Variants in COL23A1 observed in about 807,000 individuals in gnomAD.
The protein encoded by COL23A1 is collagen type XXIII alpha 1 chain, also known as collagen alpha-1(XXIII) chain.
COL23A1 carries 97 observed loss-of-function variants against 99.3 expected under a neutral mutation model. That is an observed-to-expected ratio of 0.98 (90% CI 0.83 to 1.16). The LOEUF (loss-of-function observed/expected upper bound fraction) is 1.16, where lower values mean the gene tolerates loss of function less well. Among genes scored for constraint, COL23A1 ranks in the 50% most tolerant of loss-of-function variants. The pLI is 0.00. For synonymous variants in COL23A1, 320 were observed against 308.2 expected (o/e 1.04, Z -0.40); for missense variants, 762 against 757.4 (o/e 1.01, Z -0.07).
At chr5:178,515,740 G>C (rs1028731971) in intron 2 of COL23A1, among the ~76,000 whole-genome samples, 9 of 152,054 alleles carry the variant, frequency 5.9e-5, no homozygotes, top group African/African-American at 9.7e-5. Flanking sequence ...GCACACTCAG[G>C]GCTTCTCCCT....
intron 2 of COL23A1, among the ~76,000 whole-genome samples, chr5:178,495,588 C>G (rs568749580): frequency 6.6e-6 from 1 of 151,998 alleles, no homozygotes; most frequent in Non-Finnish European, 1.5e-5. Context: ...GGAAAACAGA[C>G]TGGGAAGGAA....
chr5:178,586,687 T>G (rs554166031), intron 1 of COL23A1, among the ~76,000 whole-genome samples: 1 of 152,180 alleles, frequency 6.6e-6, no homozygotes, highest in Non-Finnish European at 1.5e-5. Context: ...AAACTTTTTT[T>G]TGTTGTTTTG....
chr5:178,498,255 T>TATATATGTATAA (rs1340447435), intron 2 of COL23A1, among the ~76,000 whole-genome samples: 1 of 70,936 alleles, frequency 1.4e-5, no homozygotes, highest in African/African-American at 5.9e-5. Flanking sequence ...TATATATATA[T>TATATATGTATAA]ATAAAAGAAC....
At chr5:178,353,256 G>C (rs1419162673) in intron 2 of COL23A1, among the ~76,000 whole-genome samples, 1 of 111,078 alleles carries the variant, frequency 9.0e-6, no homozygotes, top group Non-Finnish European at 2.0e-5. Flanking sequence ...TATAACAGTA[G>C]TAAAAAAAAA....
At chr5:178,464,624 C>T (rs974518047) in intron 2 of COL23A1, among the ~76,000 whole-genome samples, 4 of 152,192 alleles carry the variant, frequency 2.6e-5, no homozygotes, top group African/African-American at 9.6e-5. Context: ...CGTGGAAGTG[C>T]AGGAAAGCCG....
Position 178,547,478 on chromosome 5 carries a change from CA to C in COL23A1, c.361+13203del, listed in dbSNP as rs1339349774. The stretch of plus-strand genomic sequence containing the variant: ...GTGTGGGCACACACACCCACACACC[CA>C]CACACACACCCACACATCCCCATAC... On this transcript the variant is annotated intron_variant, in intron 2 of 28. Coordinates refer to ENST00000390654, the MANE Select transcript of COL23A1 (RefSeq NM_173465.4). Among the ~76,000 whole-genome samples the C allele has an allele frequency of 3.7e-3, 526 of 140,500 alleles. 6 individuals are homozygous for C. Among genetic ancestry groups the C allele is most frequent in the South Asian group, 0.024 (105 of 4,316 alleles). The allele number at this position is 140,500 out of a possible 152,430, so 92.2% of individuals were successfully genotyped here. A position where few individuals can be genotyped will look rare whatever the true frequency, so the allele number is the denominator to read the frequency against.
chr5:178,528,715 C>T (rs1443920875), intron 2 of COL23A1, among the ~76,000 whole-genome samples: 1 of 152,202 alleles, frequency 6.6e-6, no homozygotes, highest in African/African-American at 2.4e-5. Flanking sequence ...GAGGTTGAGG[C>T]AGGAGAATTG....
At chr5:178,357,440 G>T (rs1216851278) in intron 2 of COL23A1, among the ~76,000 whole-genome samples, 2 of 152,236 alleles carry the variant, frequency 1.3e-5, no homozygotes, top group African/African-American at 4.8e-5. Context: ...GGGCATGCAG[G>T]CTCTTGCTGG....
chr5:178,445,817 A>C (rs2127849295), intron 2 of COL23A1, among the ~76,000 whole-genome samples: 1 of 152,258 alleles, frequency 6.6e-6, no homozygotes, highest in African/African-American at 2.4e-5. Flanking sequence ...GAATCAAAAA[A>C]TAAAAAAAAA....
chr5:178,584,010 G>A (rs1048642747), intron 1 of COL23A1, among the ~76,000 whole-genome samples: 1 of 152,060 alleles, frequency 6.6e-6, no homozygotes, highest in Non-Finnish European at 1.5e-5. Context: ...CTACAGGCTT[G>A]CGCCACCATG....
chr5:178,263,339 G>A lies in COL23A1; in HGVS notation c.523-15C>T. 3.3e-6 allele frequency: 5 copies of A among 1,516,406 alleles called. No homozygotes were observed. The highest frequency in any genetic ancestry group is 3.6e-6 in the Non-Finnish European group (4 of 1,112,908). The allele number at this position is 1,516,406 out of a possible 1,614,324, so 93.9% of individuals were successfully genotyped here. A position where few individuals can be genotyped will look rare whatever the true frequency, so the allele number is the denominator to read the frequency against. On this transcript the variant is annotated splice_polypyrimidine_tract_variant and intron_variant, in intron 8 of 28. Transcript: ENST00000390654. Reference sequence around the variant, plus strand: ...CCTTGGTCTCCCTGAAAGAGATGGGGCTTGGCATGACTCTGAGGGGGAGGG... The same window carrying A: ...CCTTGGTCTCCCTGAAAGAGATGGGACTTGGCATGACTCTGAGGGGGAGGG...
chr5:178,247,781 G>A lies in COL23A1; in HGVS notation c.1263C>T (p.Gly421=). Residue 421 remains glycine (G), a synonymous_variant, in exon 21 of 29, where the codon GGC becomes GGT. Coordinates refer to ENST00000390654, the MANE Select transcript of COL23A1 (RefSeq NM_173465.4). ...PGPPGPPGPP[G]PMGLQGIQGP... ...CAAAGCAAACCGTCCTTACCATCGG[G>A]CCTGGGGGGCCAGGGGGGCCAGGGG... is the stretch of plus-strand genomic sequence containing the variant. 6.2e-7 allele frequency: 1 copy of A among 1,613,446 alleles called. No individual in the cohort carries two copies. The highest frequency in any genetic ancestry group is 1.7e-5 in the Admixed American group (1 of 60,012).
At chr5:178,332,984 G>A (rs184732189) in intron 2 of COL23A1, among the ~76,000 whole-genome samples, 1 of 152,042 alleles carries the variant, frequency 6.6e-6, no homozygotes, top group Non-Finnish European at 1.5e-5. Context: ...TTGAGACGGA[G>A]TCTCACTCTG....
chr5:178,414,733 C>T (rs757789504), intron 2 of COL23A1, among the ~76,000 whole-genome samples: 20 of 152,134 alleles, frequency 1.3e-4, no homozygotes, highest in Non-Finnish European at 2.1e-4. Flanking sequence ...GATGACACTA[C>T]TACACTCCAG....
chr5:178,328,003 G>C (rs948448606), intron 2 of COL23A1, among the ~76,000 whole-genome samples: 5 of 152,348 alleles, frequency 3.3e-5, no homozygotes, highest in Non-Finnish European at 2.9e-5. Flanking sequence ...CTGCAGAGCA[G>C]AGACTGTGCG....
intron 2 of COL23A1, among the ~76,000 whole-genome samples, chr5:178,336,992 C>CG (rs35443616): frequency 0.48 from 72,425 of 151,744 alleles, 18,330 homozygotes; most frequent in East Asian, 0.78. Flanking sequence ...ACACTCCTCC[C>CG]CGGAGCCAGC....
rs749865606 is a variant in COL23A1, at chr5:178,256,831, C to A, written c.837+35G>T. ...CGACTGGGTGGAGGTCTGAGCGGGGCCCGCAGGCGCCAGAGCAGAGAGCTC... is the reference window on the plus strand; with the variant it reads ...CGACTGGGTGGAGGTCTGAGCGGGGACCGCAGGCGCCAGAGCAGAGAGCTC... On this transcript the variant is annotated intron_variant, in intron 14 of 28. Transcript: ENST00000390654. 3.9e-5 allele frequency: 62 copies of A among 1,597,038 alleles called. 1 individual carries two copies. In the East Asian group the frequency reaches 1.4e-3, roughly 35 times the overall value.
In COL23A1 at chr5:178,288,189, G is replaced by A. The variant is rs866767737; in HGVS notation, c.441+135C>T. On this transcript the variant is annotated intron_variant, in intron 5 of 28. Transcript: ENST00000390654. ...TACCTCCCCAGAGCTCACGCTAATC[G>A]CCTCCACAGAAAGACCACGGCTGCT... 6.5e-5 allele frequency: 55 copies of A among 852,136 alleles called. 1 individual carries two copies. The highest frequency in any genetic ancestry group is 4.6e-4 in the South Asian group (35 of 75,416). 52.8% of individuals were successfully genotyped at this position (852,136 alleles called of 1,614,324 possible). A position where few individuals can be genotyped will look rare whatever the true frequency, so the allele number is the denominator to read the frequency against.
At chr5:178,424,418 G>A (rs1765796267) in intron 2 of COL23A1, among the ~76,000 whole-genome samples, 1 of 152,208 alleles carries the variant, frequency 6.6e-6, no homozygotes, top group Non-Finnish European at 1.5e-5. Context: ...CAGGCTTCAG[G>A]GAAAACCCTT....
Sources: allele counts gnomAD v4.1 joint callset (sites outside exome capture counted in the v4.1 genomes callset), GRCh38; gene constraint gnomAD v4.1.1; transcripts MANE v1.5; gene names NCBI Gene and HGNC (gene_info 2026-07-23, HGNC 2026-07-21).